Variants in NDUFAF6 observed in about 807,000 individuals in gnomAD.
The protein encoded by NDUFAF6 is NADH dehydrogenase (ubiquinone) complex I, assembly factor 6.
In NDUFAF6, 45 loss-of-function variants were observed where a neutral mutation model predicts 40.8. That is an observed-to-expected ratio of 1.10 (90% CI 0.87 to 1.42). NDUFAF6 has a LOEUF of 1.42. NDUFAF6 is among the 40% of genes most tolerant of loss of function. The pLI is 0.00. For synonymous variants in NDUFAF6, 185 were observed against 155.9 expected (o/e 1.19, Z -1.39); for missense variants, 435 against 418.5 (o/e 1.04, Z -0.34).
chr8:95,043,233 C>T (rs940372851), intron 4 of NDUFAF6, among the ~76,000 whole-genome samples: 7 of 151,472 alleles, frequency 4.6e-5, no homozygotes, highest in South Asian at 2.1e-4. Flanking sequence ...TACAGGTGTG[C>T]GCCACCACAC....
chr8:95,107,415 G>C (rs10808673), downstream of NDUFAF6, among the ~76,000 whole-genome samples: 73,564 of 151,998 alleles, frequency 0.48, 19,634 homozygotes, highest in East Asian at 0.98. Flanking sequence ...ACTAATAAGT[G>C]GGAGTTGAAC....
chr8:94,984,892 C>T lies in NDUFAF6; in HGVS notation c.-84+3919C>T, dbSNP rs528018391. 1.8e-4 allele frequency among the ~76,000 whole-genome samples: 28 copies of T among 152,204 alleles called. 1 individual carries two copies. In the South Asian group the frequency reaches 4.2e-3, roughly 23 times the overall value. On this transcript the variant is annotated intron_variant, in intron 2 of 9. Coordinates refer to the NDUFAF6 transcript ENST00000396111. ...GACATCATGGAGCAGAGGTTAAAGGCGTAGGTTCTGTTGGCAGACAGACCT... is the reference window on the plus strand; with the variant it reads ...GACATCATGGAGCAGAGGTTAAAGGTGTAGGTTCTGTTGGCAGACAGACCT...
At chr8:95,111,132 A>G (rs1809990665) in intron 4 of NDUFAF6, among the ~76,000 whole-genome samples, 2 of 152,078 alleles carry the variant, frequency 1.3e-5, no homozygotes, top group African/African-American at 4.8e-5. Flanking sequence ...CGAACTCAAG[A>G]CTTTTATTCT....
At chr8:95,073,395 A>C (rs941939254) in intron 9 of NDUFAF6, among the ~76,000 whole-genome samples, 1 of 152,054 alleles carries the variant, frequency 6.6e-6, no homozygotes. Context: ...AGGCAGCGCC[A>C]CCTCTCCCGA....
At chr8:95,046,450 G>C (rs1830779641) in intron 5 of NDUFAF6, among the ~76,000 whole-genome samples, 1 of 152,104 alleles carries the variant, frequency 6.6e-6, no homozygotes, top group Non-Finnish European at 1.5e-5. Flanking sequence ...CAGTTAGTGA[G>C]GTCTTATTGA....
chr8:94,965,587 G>T (rs1036403862), intron 1 of NDUFAF6, among the ~76,000 whole-genome samples: 1 of 152,252 alleles, frequency 6.6e-6, no homozygotes, highest in African/African-American at 2.4e-5. Context: ...GGGCTAATAA[G>T]AGTTTAAGCC....
At chr8:95,023,145 T>C (rs1268884172), upstream of NDUFAF6, 1 of 152,228 alleles carries the variant, frequency 6.6e-6, no homozygotes, top group Non-Finnish European at 1.5e-5. Context: ...TGTAGTATAT[T>C]GAATTTTATG....
chr8:95,073,308 C>T (rs568598100), intron 9 of NDUFAF6: 1 of 152,364 alleles, frequency 6.6e-6, no homozygotes, highest in South Asian at 2.1e-4. Context: ...CCGTTTTTTC[C>T]TCTGGGGATG....
chr8:94,932,235 T>A, intron 1 of NDUFAF6: 1 of 928,166 alleles, frequency 1.1e-6, no homozygotes, highest in African/African-American at 1.6e-5. Context: ...GGCACGTACA[T>A]GTGCTTAAGA....
intron 4 of NDUFAF6, among the ~76,000 whole-genome samples, chr8:95,042,537 G>A (rs899039192): frequency 1.8e-4 from 27 of 152,268 alleles, no homozygotes; most frequent in African/African-American, 5.8e-4. Context: ...TGAAGGGGGG[G>A]ATATTTAAAA....
intron 1 of NDUFAF6, chr8:94,941,182 A>G (rs1027009753): frequency 2.7e-6 from 1 of 365,670 alleles, no homozygotes; most frequent in Non-Finnish European, 4.9e-6. Flanking sequence ...CTTAGAAGAA[A>G]GCATATGCCT....
intron 1 of NDUFAF6, among the ~76,000 whole-genome samples, chr8:94,940,445 CTGTGTGTGTGTG>C (rs60473555): frequency 6.7e-6 from 1 of 150,358 alleles, no homozygotes; most frequent in Non-Finnish European, 1.5e-5. Context: ...CACAGAAATT[CTGTGTGTGTGTG>C]TGTGTGTGTG....
intron 9 of NDUFAF6, chr8:95,075,505 C>G: frequency 3.5e-6 from 2 of 564,780 alleles, no homozygotes; most frequent in South Asian, 1.7e-5. Context: ...CCTAGATTAG[C>G]ACTCCCTTTT....
intron 4 of NDUFAF6, among the ~76,000 whole-genome samples, chr8:95,112,683 A>G (rs987436355): frequency 6.6e-6 from 1 of 152,196 alleles, no homozygotes; most frequent in African/African-American, 2.4e-5. Flanking sequence ...CGTTGCAGAC[A>G]AAAGACACCT....
chr8:94,993,200 A>T (rs531288241), intron 2 of NDUFAF6, among the ~76,000 whole-genome samples: 2 of 152,268 alleles, frequency 1.3e-5, no homozygotes, highest in Non-Finnish European at 2.9e-5. Context: ...TCTTATAAGG[A>T]TACCAATCAT....
At chr8:95,040,360 C>A (rs1324106920) in intron 3 of NDUFAF6, among the ~76,000 whole-genome samples, 2 of 152,196 alleles carry the variant, frequency 1.3e-5, no homozygotes, top group African/African-American at 4.8e-5. Context: ...TACTTAGTCA[C>A]AATTTTGCCT....
intron 1 of NDUFAF6, among the ~76,000 whole-genome samples, chr8:94,966,800 A>G (rs1203741042): frequency 6.6e-6 from 1 of 152,176 alleles, no homozygotes; most frequent in Non-Finnish European, 1.5e-5. Flanking sequence ...AGGTCCCATC[A>G]TCCTATTTCA....
intron 1 of NDUFAF6, among the ~76,000 whole-genome samples, chr8:95,025,441 C>T (rs931195282): frequency 1.4e-4 from 21 of 152,208 alleles, no homozygotes; most frequent in African/African-American, 5.1e-4. Flanking sequence ...ACGCTTGTCG[C>T]CTTATCTGAA....
At position 94,964,533 on chromosome 8, in the gene NDUFAF6, CCAA is replaced by C. The variant is rs560537594; in HGVS notation, c.-199+6357_-199+6359del. Among the ~76,000 whole-genome samples the C allele has an allele frequency of 7.8e-4, 118 of 152,058 alleles. 1 individual carries two copies. In the East Asian group the frequency reaches 0.021, roughly 27 times the overall value. On this transcript the variant is annotated intron_variant, in intron 1 of 9. Coordinates refer to the NDUFAF6 transcript ENST00000396111. ...TGCAGGCTGTATAAGAAGCACGGCACCAACATCTGCTTCTGGTGAGGGCTCAGG... is the reference window on the plus strand; with the variant it reads ...TGCAGGCTGTATAAGAAGCACGGCACCATCTGCTTCTGGTGAGGGCTCAGG...
Sources: allele counts gnomAD v4.1 joint callset (sites outside exome capture counted in the v4.1 genomes callset), GRCh38; gene constraint gnomAD v4.1.1; transcripts MANE v1.5; gene names NCBI Gene and HGNC (gene_info 2026-07-23, HGNC 2026-07-21).